NHEJ1: variants seen among roughly 807,000 people sequenced by gnomAD.
The protein encoded by NHEJ1 is non-homologous end-joining factor 1.
Under a neutral mutation model 39.4 loss-of-function variants are expected in NHEJ1, and 22 were observed. The ratio of observed to expected loss-of-function variants is 0.56; its 90% CI spans 0.40 to 0.80. The LOEUF is 0.80. Ranked by LOEUF, NHEJ1 falls within the 30% of genes least tolerant of loss-of-function variation. NHEJ1 has a pLI of 0.00. For missense variants in NHEJ1, 329 were observed against 357.1 expected (o/e 0.92, Z 0.63); for synonymous variants, 154 against 135.6 (o/e 1.14, Z -0.94).
chr2:219,127,429 T>C (rs1218087939), intron 5 of NHEJ1, among the ~76,000 whole-genome samples: 2 of 152,210 alleles, frequency 1.3e-5, no homozygotes, highest in Non-Finnish European at 2.9e-5. Context: ...TCCAATCAGC[T>C]GTCCTATTGA....
intron 5 of NHEJ1, among the ~76,000 whole-genome samples, chr2:219,138,149 T>C (rs1364227413): frequency 6.6e-6 from 1 of 152,146 alleles, no homozygotes; most frequent in Non-Finnish European, 1.5e-5. Context: ...GGTAAAAGGG[T>C]AGCCCTTCTA....
Position 219,147,726 on chromosome 2 carries a change from C to T in NHEJ1, c.460G>A (p.Ala154Thr). 1 of 1,614,196 alleles carries T rather than the reference C, an allele frequency of 6.2e-7. No individual in the cohort carries two copies. Among genetic ancestry groups the T allele is most frequent in the Admixed American group, 1.7e-5 (1 of 60,030 alleles). ...AGGTCTTTCATATGAAGTAACGTTG[C>T]TAGCTCCCTCACTTGGCACTGTAAT... Reference protein sequence around the residue: ...LALQCQVRELATLLHMKDLEI... With the variant: ...LALQCQVRELTTLLHMKDLEI... Residue 154 changes from alanine to threonine, a missense_variant, in exon 4 of 8, where the codon GCA becomes ACA. Coordinates refer to ENST00000356853, the MANE Select transcript of NHEJ1 (RefSeq NM_024782.3).
In NHEJ1 at chr2:219,070,563, C is replaced by G. The variant is rs1553541453; in HGVS notation, c.*5818G>C. Among the ~76,000 whole-genome samples the G allele has an allele frequency of 6.6e-6, 1 of 152,204 alleles. No homozygotes were observed. Among genetic ancestry groups the G allele is most frequent in the Non-Finnish European group, 1.5e-5 (1 of 68,030 alleles). The stretch of plus-strand genomic sequence containing the variant: ...TGTTGCCTAGGCTGGTCTCAAACTC[C>G]TAGCCTCAAGCAATCCTCCCGCCTC... On this transcript the variant is annotated 3_prime_UTR_variant, in exon 8 of 8. Transcript: ENST00000356853.
chr2:219,126,696 G>C (rs779700709), intron 5 of NHEJ1, among the ~76,000 whole-genome samples: 2 of 152,206 alleles, frequency 1.3e-5, no homozygotes, highest in Non-Finnish European at 2.9e-5. Context: ...TTATAGTACA[G>C]TGTTGATATG....
intron 3 of NHEJ1, among the ~76,000 whole-genome samples, chr2:219,156,152 G>A (rs1949853011): frequency 6.6e-6 from 1 of 151,826 alleles, no homozygotes; most frequent in Non-Finnish European, 1.5e-5. Context: ...AGGAGGCTGA[G>A]GCAGGAGAGT....
chr2:219,114,653 G>C (rs1445717080), intron 5 of NHEJ1, among the ~76,000 whole-genome samples: 2 of 152,180 alleles, frequency 1.3e-5, no homozygotes, highest in Non-Finnish European at 1.5e-5. Flanking sequence ...ACTGGGTAAG[G>C]CTGGGAGCAG....
At chr2:219,091,532 C>T (rs540915935) in intron 5 of NHEJ1, among the ~76,000 whole-genome samples, 1 of 152,166 alleles carries the variant, frequency 6.6e-6, no homozygotes, top group South Asian at 2.1e-4. Flanking sequence ...GAGCCCTCAG[C>T]GCCTTTCAAA....
intron 5 of NHEJ1, among the ~76,000 whole-genome samples, chr2:219,092,634 C>T (rs548799511): frequency 1.5e-3 from 231 of 152,332 alleles, no homozygotes; most frequent in Non-Finnish European, 2.7e-3. Flanking sequence ...AACTTTCCCT[C>T]TCATTCCATT....
chr2:219,150,760 A>T (rs1380791859), intron 3 of NHEJ1, among the ~76,000 whole-genome samples: 2 of 152,170 alleles, frequency 1.3e-5, no homozygotes, highest in Admixed American at 6.5e-5. Context: ...GTTCAAGATC[A>T]GCCTGGCCAA....
chr2:219,087,889 C>T (rs1348862240), intron 5 of NHEJ1, among the ~76,000 whole-genome samples: 3 of 152,016 alleles, frequency 2.0e-5, no homozygotes, highest in Non-Finnish European at 4.4e-5. Flanking sequence ...AACTCATTTC[C>T]AAAATATATT....
At chr2:219,110,755 G>A (rs1223092364) in intron 5 of NHEJ1, among the ~76,000 whole-genome samples, 1 of 152,098 alleles carries the variant, frequency 6.6e-6, no homozygotes, top group Non-Finnish European at 1.5e-5. Context: ...TCTTAGCAGA[G>A]GGAACGGCAA....
chr2:219,098,012 C>T (rs1484880107), intron 5 of NHEJ1, among the ~76,000 whole-genome samples: 3 of 152,084 alleles, frequency 2.0e-5, no homozygotes, highest in Non-Finnish European at 2.9e-5. Flanking sequence ...GCTCTGGAAA[C>T]CAAATGAAAG....
intron 5 of NHEJ1, among the ~76,000 whole-genome samples, chr2:219,107,385 C>T (rs922333750): frequency 1.3e-5 from 2 of 152,102 alleles, no homozygotes; most frequent in Non-Finnish European, 2.9e-5. Flanking sequence ...ACAGATGAAC[C>T]CCAGGGAGCA....
At position 219,072,519 on chromosome 2, in the gene NHEJ1, C is replaced by T. The variant is rs944311124; in HGVS notation, c.*3862G>A. On this transcript the variant is annotated 3_prime_UTR_variant, in exon 8 of 8. Transcript: ENST00000356853. The stretch of plus-strand genomic sequence containing the variant: ...TACTTCACAGTAGAGCTTAGAAAAA[C>T]ATATCCTGATTGTATCAAAACCTAG... Among the ~76,000 whole-genome samples the T allele has an allele frequency of 6.6e-6, 1 of 152,152 alleles. No individual in the cohort carries two copies. The highest frequency in any genetic ancestry group is 2.4e-5 in the African/African-American group (1 of 41,426).
chr2:219,075,922 G>A lies in NHEJ1; in HGVS notation c.*459C>T, dbSNP rs1447121427. 1 of 181,498 alleles carries A rather than the reference G, an allele frequency of 5.5e-6. No homozygotes were observed. The highest frequency in any genetic ancestry group is 1.2e-5 in the Non-Finnish European group (1 of 86,666). The allele number at this position is 181,498 out of a possible 1,614,324, so 11.2% of individuals were successfully genotyped here. ...CAACAATGGGGTGGGACCCAGTGAAGGAAGTGAATTGGGTTATGAGTTCCA... is the reference window on the plus strand; with the variant it reads ...CAACAATGGGGTGGGACCCAGTGAAAGAAGTGAATTGGGTTATGAGTTCCA... On this transcript the variant is annotated 3_prime_UTR_variant, in exon 8 of 8. Coordinates refer to ENST00000356853, the MANE Select transcript of NHEJ1 (RefSeq NM_024782.3).
At chr2:219,120,865 A>C (rs1289005360) in intron 5 of NHEJ1, among the ~76,000 whole-genome samples, 1 of 152,120 alleles carries the variant, frequency 6.6e-6, no homozygotes, top group Non-Finnish European at 1.5e-5. Flanking sequence ...TAATTGTTCC[A>C]AGCAGGACTC....
chr2:219,125,868 G>A lies in NHEJ1; in HGVS notation c.588+20812C>T, dbSNP rs12468404. 2.9e-3 allele frequency among the ~76,000 whole-genome samples: 445 copies of A among 152,346 alleles called. 15 individuals carry two copies. Among genetic ancestry groups the A allele is most frequent in the Admixed American group, 0.027 (418 of 15,310 alleles). On this transcript the variant is annotated intron_variant, in intron 5 of 7. Transcript: ENST00000356853. ...CTAGCTCCTCTGCCTTACTTGTTCC[G>A]TGGCTGAGGAATTGCTAGAGTTGGA...
In NHEJ1 at chr2:219,071,635, G is replaced by T. The variant is rs1948958155; in HGVS notation, c.*4746C>A. Among the ~76,000 whole-genome samples the T allele has an allele frequency of 6.6e-6, 1 of 152,238 alleles. No homozygotes were observed. The highest frequency in any genetic ancestry group is 2.4e-5 in the African/African-American group (1 of 41,460). ...TTTTGGGCCCCAGAGTAAGGGCAGA[G>T]AGGAAGAGTGTGGCACTGCATGCTC... On this transcript the variant is annotated 3_prime_UTR_variant, in exon 8 of 8. Coordinates refer to ENST00000356853, the MANE Select transcript of NHEJ1 (RefSeq NM_024782.3).
chr2:219,082,935 A>G (rs1390803312), intron 5 of NHEJ1, among the ~76,000 whole-genome samples: 3 of 152,278 alleles, frequency 2.0e-5, no homozygotes, highest in African/African-American at 7.2e-5. Context: ...ATAAGAGCAT[A>G]TTAGAAAACT....
Sources: allele counts gnomAD v4.1 joint callset (sites outside exome capture counted in the v4.1 genomes callset), GRCh38; gene constraint gnomAD v4.1.1; transcripts MANE v1.5; gene names NCBI Gene and HGNC (gene_info 2026-07-23, HGNC 2026-07-21).